The following MRPL48 variants were observed in gnomAD, a reference collection of about 807,000 sequenced individuals.
MRPL48 encodes the protein large ribosomal subunit protein mL48.
A neutral mutation model predicts 32.9 loss-of-function variants in MRPL48; 16 were observed. The observed-to-expected ratio is 0.49, with a 90% CI of 0.33 to 0.74. The LOEUF (loss-of-function observed/expected upper bound fraction) is 0.74. MRPL48 is among the 30% of genes least tolerant of loss of function. The pLI is 0.02. For synonymous variants in MRPL48, 94 were observed against 89.2 expected (o/e 1.05, Z -0.31); for missense variants, 206 against 245.3 (o/e 0.84, Z 1.07).
chr11:73,803,850 A>G (rs1947399218), intron 1 of MRPL48, among the ~76,000 whole-genome samples: 1 of 152,056 alleles, frequency 6.6e-6, no homozygotes, highest in Non-Finnish European at 1.5e-5. Flanking sequence ...TGCTATCATT[A>G]TATTTGTTTT....
At chr11:73,814,869 C>CT (rs1947634538) in intron 3 of MRPL48, among the ~76,000 whole-genome samples, 1 of 149,104 alleles carries the variant, frequency 6.7e-6, no homozygotes, top group African/African-American at 2.5e-5. Context: ...TGGTCACACG[C>CT]CCATAATCCC....
intron 5 of MRPL48, 76 bp downstream of exon 5, chr11:73,845,052 G>T: frequency 7.1e-7 from 1 of 1,407,452 alleles, no homozygotes; most frequent in Non-Finnish European, 9.7e-7. Context: ...CTAGGCTTTT[G>T]AGATACAGTT....
chr11:73,850,638 C>T, intron 5 of MRPL48: 1 of 304,528 alleles, frequency 3.3e-6, no homozygotes, highest in Non-Finnish European at 6.3e-6. Flanking sequence ...TCTCTCTCTT[C>T]TTGGAGGTTT....
At chr11:73,801,444 G>A (rs1947362241) in intron 1 of MRPL48, among the ~76,000 whole-genome samples, 1 of 152,092 alleles carries the variant, frequency 6.6e-6, no homozygotes, top group Non-Finnish European at 1.5e-5. Context: ...CCAATATTAG[G>A]TTAAGTGTAT....
intron 6 of MRPL48, 134 bp from the exon 7 acceptor site, chr11:73,863,038 G>A (rs572228364): frequency 2.7e-6 from 2 of 754,370 alleles, no homozygotes; most frequent in South Asian, 3.5e-5. Context: ...TCAGAAACCA[G>A]TTTTGGTGTT....
chr11:73,798,923 G>A (rs1478753597), intron 1 of MRPL48, among the ~76,000 whole-genome samples: 9 of 151,274 alleles, frequency 5.9e-5, no homozygotes, highest in African/African-American at 1.5e-4. Flanking sequence ...CCTGAGAGGC[G>A]GAGGTTGTAG....
chr11:73,812,070 T>C (rs911930999), intron 3 of MRPL48, among the ~76,000 whole-genome samples: 1 of 152,074 alleles, frequency 6.6e-6, no homozygotes, highest in Non-Finnish European at 1.5e-5. Flanking sequence ...TATTTTTTAG[T>C]AGAGATGGGG....
rs539066383 is a variant in MRPL48, at chr11:73,799,779, A to G, written c.22-5248A>G. ...TGGCACTTGTACTCCCTAAATCTAT[A>G]TAAAAGAAAATACAAAGAACTATGC... On this transcript the variant is annotated intron_variant, in intron 1 of 7. Transcript: ENST00000310614. Among the ~76,000 whole-genome samples the G allele has an allele frequency of 1.4e-4, 21 of 152,336 alleles. No individual in the cohort carries two copies. The East Asian group carries it at 3.1e-3, about 22-fold the overall frequency.
chr11:73,820,135 A>C (rs1490331551), intron 3 of MRPL48, among the ~76,000 whole-genome samples: 3 of 152,200 alleles, frequency 2.0e-5, no homozygotes, highest in African/African-American at 7.2e-5. Context: ...AATATATATC[A>C]GACATATACT....
chr11:73,792,722 T>C (rs1230060583), intron 1 of MRPL48, among the ~76,000 whole-genome samples: 1 of 152,218 alleles, frequency 6.6e-6, no homozygotes, highest in Non-Finnish European at 1.5e-5. Flanking sequence ...GGAGCTTTTC[T>C]ATTTTGTTAA....
intron 6 of MRPL48, 126 bp downstream of exon 6, chr11:73,860,135 C>A (rs1948560583): frequency 1.5e-5 from 11 of 720,398 alleles, no homozygotes; most frequent in Non-Finnish European, 2.2e-5. Flanking sequence ...AGGTTCAGTT[C>A]TTGATGCCTC....
At chr11:73,803,352 A>C (rs193241744) in intron 1 of MRPL48, among the ~76,000 whole-genome samples, 2 of 151,934 alleles carry the variant, frequency 1.3e-5, no homozygotes, top group Non-Finnish European at 2.9e-5. Context: ...GCTGGTCTTG[A>C]ACTCCTGGCC....
intron 1 of MRPL48, among the ~76,000 whole-genome samples, chr11:73,798,994 C>CA (rs113432463): frequency 0.063 from 8,074 of 128,402 alleles, 319 homozygotes; most frequent in Middle Eastern, 0.14. Flanking sequence ...CCCTCTCAAG[C>CA]AAAAAAAAAA....
chr11:73,807,946 C>T (rs918984593), intron 2 of MRPL48, among the ~76,000 whole-genome samples: 7 of 152,148 alleles, frequency 4.6e-5, no homozygotes, highest in East Asian at 1.9e-4. Context: ...GCCACTTCTT[C>T]GTTTTTTAAA....
chr11:73,790,606 G>A (rs369204523), intron 1 of MRPL48, among the ~76,000 whole-genome samples: 32 of 150,124 alleles, frequency 2.1e-4, no homozygotes, highest in Non-Finnish European at 4.1e-4. Flanking sequence ...GGATGGTCTC[G>A]ATCTCCTGAC....
intron 5 of MRPL48, among the ~76,000 whole-genome samples, chr11:73,857,275 C>T (rs369467678): frequency 9.2e-5 from 14 of 151,814 alleles, no homozygotes; most frequent in African/African-American, 2.4e-4. Flanking sequence ...GGACTACAGG[C>T]GCTCACCACC....
chr11:73,814,760 G>A (rs1458241470), intron 3 of MRPL48, among the ~76,000 whole-genome samples: 5 of 151,856 alleles, frequency 3.3e-5, no homozygotes, highest in African/African-American at 1.2e-4. Flanking sequence ...TTGGGAGGCC[G>A]AGGCAGGTGG....
At chr11:73,832,025 A>C (rs1948006100) in intron 4 of MRPL48, among the ~76,000 whole-genome samples, 1 of 150,782 alleles carries the variant, frequency 6.6e-6, no homozygotes, top group Non-Finnish European at 1.5e-5. Context: ...AAGACCATTT[A>C]GTTACTTGAC....
intron 1 of MRPL48, chr11:73,789,360 G>GC (rs1418957427): frequency 2.0e-5 from 3 of 152,206 alleles, no homozygotes; most frequent in Non-Finnish European, 2.9e-5. Flanking sequence ...CTGGAAAAGA[G>GC]CCCATGGAAA....
Sources: allele counts gnomAD v4.1 joint callset (sites outside exome capture counted in the v4.1 genomes callset), GRCh38; gene constraint gnomAD v4.1.1; transcripts MANE v1.5; gene names NCBI Gene and HGNC (gene_info 2026-07-23, HGNC 2026-07-21).